The following RFTN1 variants were observed in gnomAD, a reference collection of about 807,000 sequenced individuals.
The protein encoded by RFTN1 is raftlin, lipid raft linker 1.
In RFTN1, 26 loss-of-function variants were observed where a neutral mutation model predicts 46.5. The observed-to-expected ratio is 0.56, with a 90% CI of 0.41 to 0.78. The LOEUF (loss-of-function observed/expected upper bound fraction) is 0.78, where lower values mean the gene tolerates loss of function less well. Ranked by LOEUF, RFTN1 falls within the 30% of genes least tolerant of loss-of-function variation. The pLI, the probability that RFTN1 is intolerant of heterozygous loss-of-function variation, is 0.00. For missense variants in RFTN1, 693 were observed against 718.7 expected (o/e 0.96, Z 0.41); for synonymous variants, 261 against 284.2 (o/e 0.92, Z 0.82).
chr3:16,503,621 C>G (rs11712719), intron 1 of RFTN1, among the ~76,000 whole-genome samples: 78,343 of 151,870 alleles, frequency 0.52, 20,565 homozygotes, highest in African/African-American at 0.59. Context: ...CTCTCCTACA[C>G]CCTCACCTCC....
chr3:16,507,621 CAT>C lies in RFTN1; in HGVS notation c.-9+5819_-9+5820del, dbSNP rs56910849. Among the ~76,000 whole-genome samples, 658 of 150,102 alleles carry C rather than the reference CAT, an allele frequency of 4.4e-3. 9 individuals are homozygous for C. Among genetic ancestry groups the C allele is most frequent in the African/African-American group, 0.015 (620 of 40,328 alleles). ...CAAAACACACACACACACACACACA[CAT>C]ACACACACACATGCACACATCCACA... On this transcript the variant is annotated intron_variant, in intron 1 of 9. Coordinates refer to ENST00000334133, the MANE Select transcript of RFTN1 (RefSeq NM_015150.2). The surrounding 1 kb of genome is among the most constrained non-coding windows in gnomAD (Gnocchi z 7.1).
rs983167958 is a variant in RFTN1, at chr3:16,358,055, A to C, written c.1031-8T>G. ...TCAAGCCATGTAAGGAATCTGTGGA[A>C]AAAGAAAAAGGCGGGGGTGGGGGGG... On this transcript the variant is annotated splice_region_variant and splice_polypyrimidine_tract_variant and intron_variant, in intron 6 of 9. Transcript: ENST00000334133. The C allele has an allele frequency of 6.5e-7, 1 of 1,541,794 alleles. No individual in the cohort carries two copies. Among genetic ancestry groups the C allele is most frequent in the Non-Finnish European group, 9.0e-7 (1 of 1,116,214 alleles).
At position 16,448,394 on chromosome 3, in the gene RFTN1, G is replaced by A. The variant is rs2075770865; in HGVS notation, c.146-14357C>T. Among the ~76,000 whole-genome samples, 1 of 152,082 alleles carries A rather than the reference G, an allele frequency of 6.6e-6. No homozygotes were observed. The highest frequency in any genetic ancestry group is 2.1e-4 in the South Asian group (1 of 4,822). ...TGATCCCTTGTTGACTTTTATGGAG[G>A]TGCCAATTTAATTCCTTTTTCAACA... On this transcript the variant is annotated intron_variant, in intron 2 of 9. Transcript: ENST00000334133. This position sits in a 1 kb window ranked among gnomAD's most constrained non-coding sequence, Gnocchi z 4.1.
At chr3:16,436,986 T>G (rs896185582) in intron 2 of RFTN1, among the ~76,000 whole-genome samples, 1 of 152,240 alleles carries the variant, frequency 6.6e-6, no homozygotes, top group Non-Finnish European at 1.5e-5. Context: ...TGGGTCATGT[T>G]CAAATCATAG....
rs2075931790 is a variant in RFTN1, at chr3:16,457,533, TGAAA to T, written c.146-23500_146-23497del. On this transcript the variant is annotated intron_variant, in intron 2 of 9. Coordinates refer to ENST00000334133, the MANE Select transcript of RFTN1 (RefSeq NM_015150.2). The surrounding 1 kb of genome is among the most constrained non-coding windows in gnomAD (Gnocchi z 4.2). ...CAAAAGTCTCAATACAGTTTTATGC[TGAAA>T]TTTCAGAAATATAAGCATTACAAAC... Among the ~76,000 whole-genome samples, 2 of 152,228 alleles carry T rather than the reference TGAAA, an allele frequency of 1.3e-5. No individual in the cohort carries two copies. Among genetic ancestry groups the T allele is most frequent in the Non-Finnish European group, 2.9e-5 (2 of 68,042 alleles).
In RFTN1 at chr3:16,448,997, A is replaced by T. The variant is rs2075780437; in HGVS notation, c.146-14960T>A. ...GATTTATGTTATGCTCCAGAAAGGC[A>T]ACATCTCCCTCACACACTTAATAAA... On this transcript the variant is annotated intron_variant, in intron 2 of 9. Transcript: ENST00000334133. The surrounding 1 kb of genome is among the most constrained non-coding windows in gnomAD (Gnocchi z 4.1). Among the ~76,000 whole-genome samples the T allele has an allele frequency of 6.6e-6, 1 of 152,202 alleles. No homozygotes were observed. Among genetic ancestry groups the T allele is most frequent in the African/African-American group, 2.4e-5 (1 of 41,444 alleles).
At chr3:16,362,187 C>T (rs1349516875) in intron 6 of RFTN1, among the ~76,000 whole-genome samples, 1 of 152,198 alleles carries the variant, frequency 6.6e-6, no homozygotes, top group African/African-American at 2.4e-5. Flanking sequence ...ATTATCCCAA[C>T]ATAAGATAGT....
intron 2 of RFTN1, among the ~76,000 whole-genome samples, chr3:16,437,504 A>T (rs2075538421): frequency 6.6e-6 from 1 of 152,050 alleles, no homozygotes; most frequent in African/African-American, 2.4e-5. Context: ...ACAAAAAAAT[A>T]CAAAAATTAA....
chr3:16,364,449 G>A lies in RFTN1; in HGVS notation c.1030+5627C>T, dbSNP rs148056306. Among the ~76,000 whole-genome samples the A allele has an allele frequency of 1.9e-3, 283 of 152,262 alleles. 2 individuals carry two copies. Among genetic ancestry groups the A allele is most frequent in the African/African-American group, 6.1e-3 (255 of 41,526 alleles). Reference sequence around the variant, plus strand: ...CAGTAGACATTGAGCTACTACTATGGTGAAGCAGATCCTGTTTGAGGCACC... The same window carrying A: ...CAGTAGACATTGAGCTACTACTATGATGAAGCAGATCCTGTTTGAGGCACC... On this transcript the variant is annotated intron_variant, in intron 6 of 9. Transcript: ENST00000334133.
At chr3:16,367,505 G>C (rs1334109027) in intron 6 of RFTN1, among the ~76,000 whole-genome samples, 1 of 143,406 alleles carries the variant, frequency 7.0e-6, no homozygotes, top group Non-Finnish European at 1.5e-5. Context: ...CTGACATAGA[G>C]ATGAACAGCT....
At chr3:16,510,475 T>C (rs2125017446) in intron 1 of RFTN1, among the ~76,000 whole-genome samples, 1 of 152,370 alleles carries the variant, frequency 6.6e-6, no homozygotes, top group South Asian at 2.1e-4. Context: ...TCTGATCGTC[T>C]GCAATGATTT....
chr3:16,430,419 T>A (rs2075363595), intron 3 of RFTN1, among the ~76,000 whole-genome samples: 2 of 152,150 alleles, frequency 1.3e-5, no homozygotes, highest in Admixed American at 6.5e-5. Context: ...GCCTTGATGT[T>A]TTTTTGTTTG....
Position 16,407,869 on chromosome 3 carries a change from A to C in RFTN1, c.441+1506T>G, listed in dbSNP as rs1413176123. ...TCCCTCATCCTAGTAAAATTACCAG[A>C]AATTCTGACCTCAGAGATCATCTGG... is the stretch of plus-strand genomic sequence containing the variant. On this transcript the variant is annotated intron_variant, in intron 4 of 9. Coordinates refer to ENST00000334133, the MANE Select transcript of RFTN1 (RefSeq NM_015150.2). The surrounding 1 kb of genome is among the most constrained non-coding windows in gnomAD (Gnocchi z 4.0). 6.6e-6 allele frequency among the ~76,000 whole-genome samples: 1 copy of C among 152,148 alleles called. No homozygotes were observed. Among genetic ancestry groups the C allele is most frequent in the East Asian group, 1.9e-4 (1 of 5,186 alleles).
In RFTN1 at chr3:16,337,832, T is replaced by G. The variant is rs60298256; in HGVS notation, c.1147-10956A>C. ...ACTGCTGAAGGGGAGTGTTCCTAAT[T>G]TGTCACCACACTCAAGGCTGGCACA... is the stretch of plus-strand genomic sequence containing the variant. On this transcript the variant is annotated intron_variant, in intron 7 of 9. Coordinates refer to ENST00000334133, the MANE Select transcript of RFTN1 (RefSeq NM_015150.2). This position sits in a 1 kb window ranked among gnomAD's most constrained non-coding sequence, Gnocchi z 5.0. 0.025 allele frequency among the ~76,000 whole-genome samples: 3,814 copies of G among 152,178 alleles called. 149 individuals carry two copies. Among genetic ancestry groups the G allele is most frequent in the African/African-American group, 0.088 (3,644 of 41,500 alleles).
intron 4 of RFTN1, 39 bp downstream of exon 4, chr3:16,409,336 C>G: frequency 7.1e-7 from 1 of 1,405,798 alleles, no homozygotes; most frequent in South Asian, 1.2e-5. Context: ...GGGGAACACT[C>G]GCAAACCTCT....
At chr3:16,430,796 A>G (rs1339707584) in intron 3 of RFTN1, among the ~76,000 whole-genome samples, 1 of 152,154 alleles carries the variant, frequency 6.6e-6, no homozygotes, top group Non-Finnish European at 1.5e-5. Context: ...GTCAGCTCAA[A>G]CCCAAGGAGA....
Position 16,376,432 on chromosome 3 carries a change from C to T in RFTN1, c.826+1286G>A, listed in dbSNP as rs1575172594. 1.3e-5 allele frequency among the ~76,000 whole-genome samples: 2 copies of T among 152,090 alleles called. No individual in the cohort carries two copies. The highest frequency in any genetic ancestry group is 2.9e-5 in the Non-Finnish European group (2 of 68,020). Reference sequence around the variant, plus strand: ...CTCTCGCCCTCCCACAGTCCTGGACCGTACAGAAGGACTCCAGTGAGGTCC... The same window carrying T: ...CTCTCGCCCTCCCACAGTCCTGGACTGTACAGAAGGACTCCAGTGAGGTCC... On this transcript the variant is annotated intron_variant, in intron 5 of 9. Coordinates refer to ENST00000334133, the MANE Select transcript of RFTN1 (RefSeq NM_015150.2). This position sits in a 1 kb window ranked among gnomAD's most constrained non-coding sequence, Gnocchi z 4.7.
Position 16,475,681 on chromosome 3 carries a change from C to G in RFTN1, c.145+18044G>C, listed in dbSNP as rs1200502379. Among the ~76,000 whole-genome samples, 3 of 152,162 alleles carry G rather than the reference C, an allele frequency of 2.0e-5. No individual in the cohort carries two copies. The highest frequency in any genetic ancestry group is 2.9e-5 in the Non-Finnish European group (2 of 68,028). Reference sequence around the variant, plus strand: ...ATCAATGGAAAACTAAAGCAACTAACAGACACACAGAGAGAATCACTGAGG... The same window carrying G: ...ATCAATGGAAAACTAAAGCAACTAAGAGACACACAGAGAGAATCACTGAGG... On this transcript the variant is annotated intron_variant, in intron 2 of 9. Coordinates refer to ENST00000334133, the MANE Select transcript of RFTN1 (RefSeq NM_015150.2). This position sits in a 1 kb window ranked among gnomAD's most constrained non-coding sequence, Gnocchi z 4.2.
chr3:16,477,058 T>C (rs2076293615), intron 2 of RFTN1, among the ~76,000 whole-genome samples: 3 of 152,180 alleles, frequency 2.0e-5, no homozygotes, highest in South Asian at 4.1e-4. Flanking sequence ...AAATTTTTGG[T>C]CACAAAAATG....
Sources: gnomAD v4.1 joint callset for allele counts (sites outside exome capture counted in the v4.1 genomes callset) on GRCh38, gnomAD v4.1.1 for gene constraint, Gnocchi (gnomAD v3.1) non-coding constraint, MANE v1.5 for transcripts, NCBI Gene and HGNC (gene_info 2026-07-23, HGNC 2026-07-21) for gene names.